NOMO1: variants seen among roughly 807,000 people sequenced by gnomAD.
The protein encoded by NOMO1 is nodal modulator 3.
In NOMO1, 40 loss-of-function variants were observed where a neutral mutation model predicts 133.8. The observed-to-expected ratio is 0.30, with a 90% CI of 0.23 to 0.39. NOMO1 has a LOEUF of 0.39. Among genes scored for constraint, NOMO1 ranks in the 10% least tolerant of loss-of-function variants. The probability of loss-of-function intolerance (pLI) is 1.00; values close to 1 mark genes in which losing one functional copy is unlikely to be tolerated. For synonymous variants in NOMO1, 236 were observed against 570.5 expected (o/e 0.41, Z 8.36); for missense variants, 462 against 1,419.9 (o/e 0.33, Z 10.84).
intron 3 of NOMO1, among the ~76,000 whole-genome samples, chr16:14,844,393 T>C (rs1448814590): frequency 1.4e-4 from 21 of 151,266 alleles, no homozygotes; most frequent in Non-Finnish European, 1.5e-5. Context: ...CTCTGAGATA[T>C]AACTTAGCTG....
intron 23 of NOMO1, among the ~76,000 whole-genome samples, chr16:14,879,245 G>A (rs1597111592): frequency 6.6e-6 from 1 of 151,692 alleles, no homozygotes; most frequent in Non-Finnish European, 1.5e-5. Flanking sequence ...AGATGCAGTC[G>A]GAGGCCCTGA....
chr16:14,844,964 G>T (rs574962193), intron 4 of NOMO1, among the ~76,000 whole-genome samples, 190 bp downstream of exon 4: 1 of 151,994 alleles, frequency 6.6e-6, no homozygotes, highest in Non-Finnish European at 1.5e-5. Flanking sequence ...TTAGGAATGA[G>T]ATTGAGGTTG....
intron 1 of NOMO1, among the ~76,000 whole-genome samples, chr16:14,837,282 T>TACAG (rs968967359): frequency 2.0e-5 from 3 of 152,102 alleles, no homozygotes; most frequent in African/African-American, 7.2e-5. Flanking sequence ...ATGCTGGGAT[T>TACAG]ACAGGCATGA....
chr16:14,889,202 T>G lies in NOMO1; in HGVS notation c.3431T>G (p.Ile1144Ser). 6.2e-7 allele frequency: 1 copy of G among 1,611,532 alleles called. No homozygotes were observed. The highest frequency in any genetic ancestry group is 8.5e-7 in the Non-Finnish European group (1 of 1,179,772). ...AVGYHKHITL[I>S]FNPTRKLPEQ... ...GGCTACCATAAACACATCACCTTGATTTTTAATCCCACGGTAAGTAAAAGA... is the reference window on the plus strand; with the variant it reads ...GGCTACCATAAACACATCACCTTGAGTTTTAATCCCACGGTAAGTAAAAGA... Residue 1144 changes from isoleucine (I) to serine (S), a missense_variant, in exon 29 of 31, where the codon ATT becomes AGT. Ile to Ser is a moderately radical substitution (Grantham distance 142). Transcript: ENST00000287667.
In NOMO1 at chr16:14,895,658, CAGTTGCAGT is replaced by C. The variant is rs1964485827; in HGVS notation, c.*14_*22del. ...AAGGCGGACTTGAGGAGGAAGGGGACAGTTGCAGTCTCACTTGGGACAGGCCACAGCCAG... is the reference window on the plus strand; with the variant it reads ...AAGGCGGACTTGAGGAGGAAGGGGACCTCACTTGGGACAGGCCACAGCCAG... On this transcript the variant is annotated 3_prime_UTR_variant, in exon 31 of 31. Transcript: ENST00000287667. The C allele has an allele frequency of 1.2e-6, 2 of 1,611,890 alleles. No homozygotes were observed. Among genetic ancestry groups the C allele is most frequent in the African/African-American group, 2.7e-5 (2 of 74,820 alleles).
At position 14,889,234 on chromosome 16, in the gene NOMO1, T is replaced by A; in HGVS notation, c.3444+19T>A. 6.2e-7 allele frequency: 1 copy of A among 1,608,282 alleles called. No individual in the cohort carries two copies. Among genetic ancestry groups the A allele is most frequent in the Non-Finnish European group, 8.5e-7 (1 of 1,178,086 alleles). ...TCCCACGGTAAGTAAAAGAGGGAGTTAAAAAAAAACCCATGGGCTGGGTTT... is the reference window on the plus strand; with the variant it reads ...TCCCACGGTAAGTAAAAGAGGGAGTAAAAAAAAAACCCATGGGCTGGGTTT... On this transcript the variant is annotated intron_variant, in intron 29 of 30. Coordinates refer to ENST00000287667, the MANE Select transcript of NOMO1 (RefSeq NM_014287.4).
chr16:14,879,709 A>T (rs1157017397), intron 23 of NOMO1, among the ~76,000 whole-genome samples: 73 of 142,172 alleles, frequency 5.1e-4, no homozygotes, highest in Non-Finnish European at 1.0e-3. Context: ...CGTGCACTCC[A>T]TCCTGGGGGA....
At chr16:14,841,945 C>G (rs1320661052) in intron 3 of NOMO1, among the ~76,000 whole-genome samples, 3 of 151,854 alleles carry the variant, frequency 2.0e-5, no homozygotes, top group Non-Finnish European at 4.4e-5. Flanking sequence ...TAGTTATAGT[C>G]CCTGCCCCAC....
chr16:14,878,364 T>C (rs1964189365), intron 22 of NOMO1, among the ~76,000 whole-genome samples: 1 of 125,454 alleles, frequency 8.0e-6, no homozygotes, highest in Non-Finnish European at 1.7e-5. Context: ...CATGGTGGTG[T>C]GCGCCTATAG....
Position 14,853,623 on chromosome 16 carries a change from C to T in NOMO1, c.873+19C>T, listed in dbSNP as rs762499699. The T allele has an allele frequency of 1.2e-5, 19 of 1,611,340 alleles. No individual in the cohort carries two copies. The Admixed American group carries it at 1.5e-4, about 13-fold the overall frequency. On this transcript the variant is annotated intron_variant, in intron 8 of 30. Transcript: ENST00000287667. ...CACTGTGGTGAGTAAAGCAGATTTC[C>T]GTTCTGTTTATGTCTGAGACTCTCA...
intron 27 of NOMO1, among the ~76,000 whole-genome samples, chr16:14,885,243 C>T (rs1008837080): frequency 3.3e-5 from 5 of 151,894 alleles, no homozygotes; most frequent in African/African-American, 1.2e-4. Flanking sequence ...CAAACAGTAT[C>T]AGAGGTGGTG....
intron 16 of NOMO1, among the ~76,000 whole-genome samples, chr16:14,869,805 T>C (rs1964056445): frequency 6.6e-6 from 1 of 150,748 alleles, no homozygotes; most frequent in Non-Finnish European, 1.5e-5. Flanking sequence ...TTTAACCTTT[T>C]AAGAAACTGT....
intron 18 of NOMO1, among the ~76,000 whole-genome samples, chr16:14,873,723 T>G (rs903205443): frequency 2.0e-5 from 3 of 151,826 alleles, no homozygotes; most frequent in Non-Finnish European, 2.9e-5. Flanking sequence ...CAAGGGTGTT[T>G]GTGTTGCTTG....
At chr16:14,874,304 A>G (rs1478946510) in intron 18 of NOMO1, among the ~76,000 whole-genome samples, 1 of 151,944 alleles carries the variant, frequency 6.6e-6, no homozygotes, top group Admixed American at 6.5e-5. Flanking sequence ...TCTCTGTTGG[A>G]TATGACTCTT....
chr16:14,879,372 G>A (rs1285810217), intron 23 of NOMO1, among the ~76,000 whole-genome samples: 1 of 151,856 alleles, frequency 6.6e-6, no homozygotes, highest in Non-Finnish European at 1.5e-5. Context: ...ACACCACTTT[G>A]CAGTGATGCA....
Position 14,885,985 on chromosome 16 carries a change from T to C in NOMO1, c.3223-776T>C, listed in dbSNP as rs571223920. 1.2e-3 allele frequency among the ~76,000 whole-genome samples: 178 copies of C among 152,196 alleles called. 1 individual carries two copies. The highest frequency in any genetic ancestry group is 4.1e-3 in the African/African-American group (170 of 41,472). The stretch of plus-strand genomic sequence containing the variant: ...TTAGGAAAATTCCCCTTGTGTGTTA[T>C]GTAGAAAGGTGCCAGTGTGGGCCCA... On this transcript the variant is annotated intron_variant, in intron 27 of 30. Coordinates refer to ENST00000287667, the MANE Select transcript of NOMO1 (RefSeq NM_014287.4).
chr16:14,864,323 G>A (rs1032937444), intron 12 of NOMO1, among the ~76,000 whole-genome samples: 3 of 151,918 alleles, frequency 2.0e-5, no homozygotes, highest in Non-Finnish European at 2.9e-5. Context: ...TCCGCATTGC[G>A]GGCCTGTGGG....
At chr16:14,879,215 G>C (rs1331189365) in intron 23 of NOMO1, among the ~76,000 whole-genome samples, 1 of 151,822 alleles carries the variant, frequency 6.6e-6, no homozygotes, top group African/African-American at 2.4e-5. Context: ...GGTGGGAAGA[G>C]AGCAGCAGTT....
chr16:14,850,104 C>G lies in NOMO1; in HGVS notation c.582+1133C>G, dbSNP rs1963736017. 3.4e-5 allele frequency among the ~76,000 whole-genome samples: 5 copies of G among 149,100 alleles called. No individual in the cohort carries two copies. In the Admixed American group the frequency reaches 3.4e-4, roughly 10 times the overall value. On this transcript the variant is annotated intron_variant, in intron 6 of 30. Transcript: ENST00000287667. ...TTTTTTTTTGAGATGAAGTCTTGCT[C>G]TTGTTGCCCAGGCTGGAGTGCAATG...
Sources: allele counts gnomAD v4.1 joint callset (sites outside exome capture counted in the v4.1 genomes callset), GRCh38; gene constraint gnomAD v4.1.1; transcripts MANE v1.5; gene names NCBI Gene and HGNC (gene_info 2026-07-23, HGNC 2026-07-21).